The following DNAH2 variants were observed in gnomAD, a reference collection of about 807,000 sequenced individuals.
DNAH2 encodes dynein axonemal heavy chain 2, also known as axonemal beta dynein heavy chain 2.
In DNAH2, 323 loss-of-function variants were observed where a neutral mutation model predicts 523.5. The observed-to-expected ratio is 0.62, with a 90% CI of 0.56 to 0.68. The LOEUF is 0.68. Among genes scored for constraint, DNAH2 ranks in the 30% least tolerant of loss-of-function variants. The pLI is 0.00. For missense variants in DNAH2, 4,907 were observed against 5,701.5 expected, an observed-to-expected ratio of 0.86 and a Z score of 4.49; for synonymous variants, 2,093 against 2,177.4, an observed-to-expected ratio of 0.96 and a Z score of 1.08.
intron 28 of DNAH2, among the ~76,000 whole-genome samples, chr17:7,771,993 G>A (rs146927947): frequency 0.014 from 2,100 of 152,266 alleles, 36 homozygotes; most frequent in African/African-American, 0.042. Context: ...TGGGATTACA[G>A]GTGTGGGACA....
rs2077385533 is a variant in DNAH2 at position 7,807,057 on chromosome 17, A to G, written c.9443-93A>G. 9 of 1,464,612 alleles carry G rather than the reference A, an allele frequency of 6.1e-6. No homozygotes were observed. Among genetic ancestry groups the G allele is most frequent in the East Asian group, 2.3e-5 (1 of 43,702 alleles). The allele number at this position is 1,464,612 out of a possible 1,614,324, so 90.7% of individuals were successfully genotyped here. A position where few individuals can be genotyped will look rare whatever the true frequency, so the allele number is the denominator to read the frequency against. Reference sequence around the variant, plus strand: ...GGCCTTAGGAACTGAGCCCAGGAAAAATGTGGCTATGCGTGAGTAGTGGAG... The same window carrying G: ...GGCCTTAGGAACTGAGCCCAGGAAAGATGTGGCTATGCGTGAGTAGTGGAG... On this transcript the variant is annotated intron_variant, in intron 61 of 85. Coordinates refer to ENST00000572933, the MANE Select transcript of DNAH2 (RefSeq NM_020877.5). This position sits in a 1 kb window ranked among gnomAD's most constrained non-coding sequence, Gnocchi z 5.6.
At chr17:7,797,578 C>A (rs763487594) in intron 52 of DNAH2, 48 bp downstream of exon 52, 1 of 1,613,984 alleles carries the variant, frequency 6.2e-7, no homozygotes, top group South Asian at 1.1e-5. Context: ...CTTAGAACAT[C>A]GGGGCTAGAA....
chr17:7,805,574 G>A (rs1226670449), intron 61 of DNAH2, among the ~76,000 whole-genome samples, 181 bp downstream of exon 61: 20 of 152,168 alleles, frequency 1.3e-4, no homozygotes, highest in Admixed American at 1.2e-3. Context: ...GTTGTGGGTC[G>A]AGTGTGGTGG....
chr17:7,761,081 G>A, intron 18 of DNAH2, 149 bp downstream of exon 18: 2 of 1,014,750 alleles, frequency 2.0e-6, no homozygotes. Context: ...TAGGACATTG[G>A]ACCTTTGCTT....
Position 7,818,330 on chromosome 17 carries a change from G to C in DNAH2, c.10406G>C (p.Arg3469Pro), listed in dbSNP as rs754847604. ...VARIGGRLLM[R>P]IGDKEVEYNT... ...GATGCAGGTGGTCGGCTGTTGATGC[G>C]CATTGGCGATAAGGAGGTGGAATAT... The change falls in exon 69 of 86, where the codon CGC becomes CCC. Residue 3469 changes from arginine to proline, a missense_variant. Coordinates refer to ENST00000572933, the MANE Select transcript of DNAH2 (RefSeq NM_020877.5). The C allele has an allele frequency of 4.3e-6, 7 of 1,614,116 alleles. No homozygotes were observed. The highest frequency in any genetic ancestry group is 5.1e-6 in the Non-Finnish European group (6 of 1,180,012).
intron 56 of DNAH2, 59 bp from the exon 57 acceptor site, chr17:7,801,519 C>T: frequency 1.2e-6 from 2 of 1,604,338 alleles, no homozygotes; most frequent in East Asian, 4.5e-5. Context: ...GTTGGGAAGC[C>T]AGTACCTGGA....
intron 77 of DNAH2, 62 bp downstream of exon 77, chr17:7,824,789 C>T: frequency 2.2e-6 from 3 of 1,335,470 alleles, no homozygotes; most frequent in Non-Finnish European, 3.0e-6. Context: ...CTCCTGCTAG[C>T]ACCAGAGAGA....
At position 7,797,462 on chromosome 17, in the gene DNAH2, A is replaced by G. The variant is rs377455589; in HGVS notation, c.8012A>G (p.Asp2671Gly). The change falls in exon 52 of 86, where the codon GAC (aspartate) becomes GGC (glycine). Residue 2671 changes from aspartate (D) to glycine (G), a missense_variant. Coordinates refer to ENST00000572933, the MANE Select transcript of DNAH2 (RefSeq NM_020877.5). The stretch of plus-strand genomic sequence containing the variant: ...GAAGCCTTCATGGGCATCATAAGCG[A>G]CAAGCTCGGCTCCTTCTTTGACCTC... ...DTEAFMGIISDKLGSFFDLTF... is the reference protein window; with the variant it reads ...DTEAFMGIISGKLGSFFDLTF... The G allele has an allele frequency of 1.1e-4, 174 of 1,614,196 alleles. No individual in the cohort carries two copies. Among genetic ancestry groups the G allele is most frequent in the Middle Eastern group, 4.9e-4 (3 of 6,062 alleles).
At chr17:7,740,574 G>A (rs764547469) in intron 10 of DNAH2, 25 bp downstream of exon 10, 4 of 1,610,260 alleles carry the variant, frequency 2.5e-6, no homozygotes, top group South Asian at 1.1e-5. Flanking sequence ...CGGCTTCCTC[G>A]GCTTCCCGTC....
intron 3 of DNAH2, among the ~76,000 whole-genome samples, chr17:7,725,440 A>ATATATATATATATATATATATATATAT (rs958458949): frequency 7.7e-6 from 1 of 130,504 alleles, no homozygotes; most frequent in Non-Finnish European, 1.6e-5. Context: ...ATATATATAT[A>ATATATATATATATATATATATATATAT]TTTTCTTTTT....
In DNAH2 at chr17:7,823,519, G is replaced by T. The variant is rs767896699; in HGVS notation, c.11220G>T (p.Glu3740Asp). ...ATGCCTACTGGGATAACATCACAGA[G>T]CTAGACAAACTGACCAACTTCCACG... ...LADAYWDNIT[E>D]LDKLTNFHGL... Residue 3740 changes from glutamate (E) to aspartate (D), a missense_variant, in exon 74 of 86, where the codon GAG becomes GAT. Glu to Asp is a conservative substitution (Grantham distance 45). Coordinates refer to ENST00000572933, the MANE Select transcript of DNAH2 (RefSeq NM_020877.5). 1 of 1,614,124 alleles carries T rather than the reference G, an allele frequency of 6.2e-7. No individual in the cohort carries two copies. Among genetic ancestry groups the T allele is most frequent in the Non-Finnish European group, 8.5e-7 (1 of 1,180,030 alleles).
chr17:7,736,849 G>C (rs1370578122), intron 7 of DNAH2, among the ~76,000 whole-genome samples: 1 of 152,186 alleles, frequency 6.6e-6, no homozygotes, highest in African/African-American at 2.4e-5. Context: ...GGGCGTTGTG[G>C]TGGGCACCTG....
chr17:7,749,769 G>A (rs977700520), intron 12 of DNAH2, among the ~76,000 whole-genome samples: 7 of 152,044 alleles, frequency 4.6e-5, no homozygotes, highest in Admixed American at 2.0e-4. Flanking sequence ...GGCTGAGGTG[G>A]GTGGATCACG....
intron 35 of DNAH2, among the ~76,000 whole-genome samples, chr17:7,778,723 C>T (rs1031547431): frequency 2.0e-5 from 3 of 152,020 alleles, no homozygotes; most frequent in African/African-American, 7.3e-5. Context: ...CGTGTGACAC[C>T]AAGCCCGGAG....
chr17:7,750,745 C>T (rs967005767), intron 12 of DNAH2, among the ~76,000 whole-genome samples: 2 of 152,140 alleles, frequency 1.3e-5, no homozygotes, highest in Non-Finnish European at 2.9e-5. Flanking sequence ...ATACCACATA[C>T]GTTAGTGGAG....
chr17:7,829,676 C>A (rs893663249), intron 77 of DNAH2, among the ~76,000 whole-genome samples: 6 of 152,188 alleles, frequency 3.9e-5, no homozygotes, highest in African/African-American at 1.4e-4. Flanking sequence ...TTTTCTGGCA[C>A]CCCAAATTGT....
chr17:7,818,905 G>A lies in DNAH2; in HGVS notation c.10671-14G>A, dbSNP rs749793645. ...CTAACCCCTTGCTCCATGTGCCTCT[G>A]GGCCTCCCCCTAGGCTGCTGAATGA... On this transcript the variant is annotated splice_polypyrimidine_tract_variant and intron_variant, in intron 70 of 85. Coordinates refer to ENST00000572933, the MANE Select transcript of DNAH2 (RefSeq NM_020877.5). 6.2e-7 allele frequency: 1 copy of A among 1,609,914 alleles called. No individual in the cohort carries two copies. Among genetic ancestry groups the A allele is most frequent in the Non-Finnish European group, 8.5e-7 (1 of 1,177,704 alleles).
intron 3 of DNAH2, among the ~76,000 whole-genome samples, chr17:7,726,044 C>A (rs1246752193): frequency 6.6e-6 from 1 of 151,766 alleles, no homozygotes; most frequent in Non-Finnish European, 1.5e-5. Context: ...CTTGCTCTGT[C>A]GCCCAGGCTG....
At chr17:7,789,857 C>G (rs55808776) in intron 44 of DNAH2, among the ~76,000 whole-genome samples, 2 of 152,090 alleles carry the variant, frequency 1.3e-5, no homozygotes, top group Non-Finnish European at 2.9e-5. Context: ...GGATTACAGG[C>G]GTGAGCCACC....
Sources: allele counts gnomAD v4.1 joint callset (sites outside exome capture counted in the v4.1 genomes callset), GRCh38; gene constraint gnomAD v4.1.1; non-coding constraint Gnocchi (gnomAD v3.1); transcripts MANE v1.5; gene names NCBI Gene and HGNC (gene_info 2026-07-23, HGNC 2026-07-21).